The following DPYSL3 variants were observed in gnomAD, a reference collection of about 807,000 sequenced individuals.
DPYSL3 encodes dihydropyrimidinase like 3.
Under a neutral mutation model 66.1 loss-of-function variants are expected in DPYSL3, and 16 were observed. The ratio of observed to expected loss-of-function variants is 0.24; its 90% CI spans 0.16 to 0.37. The LOEUF is 0.37. DPYSL3 is among the 10% of genes least tolerant of loss of function. The pLI is 1.00. For missense variants in DPYSL3, 738 were observed against 916.2 expected (o/e 0.81, Z 2.51); for synonymous variants, 338 against 345.1 (o/e 0.98, Z 0.23).
At position 147,446,834 on chromosome 5, in the gene DPYSL3, G is replaced by C. The variant is rs181923577; in HGVS notation, c.382-21871C>G. On this transcript the variant is annotated intron_variant, in intron 1 of 13. Transcript: ENST00000343218. ...TGTTGTTCCAATAGTGATGTGACAG[G>C]GTTGGCCAGACCATCCCCAATCCTT... Among the ~76,000 whole-genome samples the C allele has an allele frequency of 4.6e-5, 7 of 152,338 alleles. No individual in the cohort carries two copies. The East Asian group carries it at 9.6e-4, about 21-fold the overall frequency.
intron 2 of DPYSL3, among the ~76,000 whole-genome samples, chr5:147,420,520 C>T (rs1021931920): frequency 1.9e-4 from 29 of 152,096 alleles, no homozygotes; most frequent in African/African-American, 5.6e-4. Flanking sequence ...TGATTTGGGC[C>T]TTGATAATGA....
At chr5:147,394,161 A>T in intron 13 of DPYSL3, 38 bp from the exon 14 acceptor site, 1 of 1,596,682 alleles carries the variant, frequency 6.3e-7, no homozygotes, top group East Asian at 2.2e-5. Flanking sequence ...GAAAAAAAAA[A>T]CAGAGTGGCG....
At chr5:147,429,141 G>A (rs1267662315) in intron 1 of DPYSL3, among the ~76,000 whole-genome samples, 2 of 152,060 alleles carry the variant, frequency 1.3e-5, no homozygotes, top group African/African-American at 2.4e-5. Context: ...AAAGAATGAT[G>A]ATACCACTAG....
intron 1 of DPYSL3, among the ~76,000 whole-genome samples, chr5:147,425,912 G>C (rs533071426): frequency 1.3e-5 from 2 of 152,224 alleles, no homozygotes; most frequent in East Asian, 3.9e-4. Flanking sequence ...ATTCCCAGGA[G>C]TCTGGCTGAG....
intron 1 of DPYSL3, among the ~76,000 whole-genome samples, chr5:147,508,493 G>A (rs763246826): frequency 6.6e-6 from 1 of 152,124 alleles, no homozygotes. Flanking sequence ...GAGGGCATCT[G>A]ATTATTATTA....
chr5:147,472,908 C>T (rs1389679445), intron 1 of DPYSL3: 1 of 152,140 alleles, frequency 6.6e-6, no homozygotes, highest in East Asian at 1.9e-4. Flanking sequence ...AAATGAAATG[C>T]ATCTGAAGCT....
intron 11 of DPYSL3, among the ~76,000 whole-genome samples, chr5:147,398,584 A>T (rs1239232923): frequency 6.6e-6 from 1 of 152,196 alleles, no homozygotes; most frequent in Non-Finnish European, 1.5e-5. Context: ...CTGCACTTTA[A>T]TTATCATCCT....
chr5:147,450,163 A>G (rs1561792692), intron 1 of DPYSL3, among the ~76,000 whole-genome samples: 2 of 152,200 alleles, frequency 1.3e-5, no homozygotes, highest in Non-Finnish European at 2.9e-5. Context: ...TCTGACCCTG[A>G]GCAAATTATT....
chr5:147,399,083 G>C lies in DPYSL3; in HGVS notation c.1622C>G (p.Ser541Cys), dbSNP rs755360448. The C allele has an allele frequency of 2.5e-6, 4 of 1,614,034 alleles. No individual in the cohort carries two copies. The South Asian group carries it at 4.4e-5, about 18-fold the overall frequency. ...VKIVSAKNHQ[S>C]AAEYNIFEGM... ...CACTCCCACCAGAGCGGGCCTTACA[G>C]ACTGGTGGTTCTTGGCAGAGACGAT... is the stretch of plus-strand genomic sequence containing the variant. Residue 541 changes from serine to cysteine, a missense_variant and splice_region_variant, in exon 11 of 14, where the codon TCT becomes TGT. By Grantham distance (112) the Ser-to-Cys change is moderately radical. Coordinates refer to ENST00000343218, the MANE Select transcript of DPYSL3 (RefSeq NM_001197294.2).
At chr5:147,401,749 G>A in intron 8 of DPYSL3, 53 bp from the exon 9 acceptor site, 1 of 1,597,668 alleles carries the variant, frequency 6.3e-7, no homozygotes, top group Non-Finnish European at 8.5e-7. Flanking sequence ...ATGCTGCACT[G>A]GGCCAAGCCT....
At chr5:147,394,830 C>T (rs1757922680) in intron 13 of DPYSL3, among the ~76,000 whole-genome samples, 1 of 152,160 alleles carries the variant, frequency 6.6e-6, no homozygotes, top group South Asian at 2.1e-4. Flanking sequence ...GTTTCTGTTT[C>T]TCCCATTCCA....
At chr5:147,484,600 TG>T (rs145423942) in intron 1 of DPYSL3, among the ~76,000 whole-genome samples, 17,974 of 152,278 alleles carry the variant, frequency 0.12, 1,148 homozygotes, top group Middle Eastern at 0.21. Flanking sequence ...TCAAATTCTT[TG>T]TGCAAGCTAC....
intron 1 of DPYSL3, among the ~76,000 whole-genome samples, chr5:147,428,717 A>G (rs934780673): frequency 3.3e-5 from 5 of 152,060 alleles, no homozygotes; most frequent in African/African-American, 9.7e-5. Context: ...GCAAACTAAC[A>G]CAGGAATAGA....
chr5:147,438,775 G>GT (rs768856376), intron 1 of DPYSL3, among the ~76,000 whole-genome samples: 7 of 152,250 alleles, frequency 4.6e-5, no homozygotes, highest in Non-Finnish European at 1.0e-4. Context: ...AAAGCAAGAT[G>GT]TATGTTGTAA....
chr5:147,478,585 G>C (rs1156305599), intron 1 of DPYSL3, among the ~76,000 whole-genome samples: 1 of 152,158 alleles, frequency 6.6e-6, no homozygotes, highest in Non-Finnish European at 1.5e-5. Context: ...TTATGCCACT[G>C]TCTACAGTGT....
chr5:147,497,768 T>C (rs1288259028), intron 1 of DPYSL3, among the ~76,000 whole-genome samples: 1 of 151,512 alleles, frequency 6.6e-6, no homozygotes, highest in Non-Finnish European at 1.5e-5. Context: ...TGATAAAGAA[T>C]ACGCTCAAAA....
At chr5:147,463,550 C>G (rs1236121371) in intron 1 of DPYSL3, among the ~76,000 whole-genome samples, 1 of 152,010 alleles carries the variant, frequency 6.6e-6, no homozygotes, top group East Asian at 1.9e-4. Flanking sequence ...TTAATGCCCC[C>G]CAGAGGGCAT....
At chr5:147,499,223 C>T in intron 1 of DPYSL3, among the ~76,000 whole-genome samples, 1 of 152,074 alleles carries the variant, frequency 6.6e-6, no homozygotes. Context: ...TTGCAGATGA[C>T]ATGATTATCT....
chr5:147,392,940 G>T lies in DPYSL3; in HGVS notation c.*1095C>A, dbSNP rs1014851467. ...ATGACCTATTACGGTAAAAATTAGG[G>T]AACACCTAATAAAACCAACTTTCAA... is the stretch of plus-strand genomic sequence containing the variant. On this transcript the variant is annotated 3_prime_UTR_variant, in exon 14 of 14. Coordinates refer to ENST00000343218, the MANE Select transcript of DPYSL3 (RefSeq NM_001197294.2). The T allele has an allele frequency of 2.0e-5, 3 of 152,158 alleles. No homozygotes were observed. The highest frequency in any genetic ancestry group is 7.2e-5 in the African/African-American group (3 of 41,438). 9.4% of individuals were successfully genotyped at this position (152,158 alleles called of 1,614,324 possible). A position where few individuals can be genotyped will look rare whatever the true frequency, so the allele number is the denominator to read the frequency against.
Sources: allele counts gnomAD v4.1 joint callset (sites outside exome capture counted in the v4.1 genomes callset), GRCh38; gene constraint gnomAD v4.1.1; transcripts MANE v1.5; gene names NCBI Gene and HGNC (gene_info 2026-07-23, HGNC 2026-07-21).